Variants in OSCP1 observed in about 807,000 individuals in gnomAD.
OSCP1 encodes organic solute carrier partner 1.
In OSCP1, 35 loss-of-function variants were observed where a neutral mutation model predicts 45.1. The ratio of observed to expected loss-of-function variants is 0.78; its 90% CI spans 0.59 to 1.03. The LOEUF (loss-of-function observed/expected upper bound fraction) is 1.03, where lower values mean the gene tolerates loss of function less well. Ranked by LOEUF, OSCP1 falls within the 50% of genes least tolerant of loss-of-function variation. The pLI, the probability that OSCP1 is intolerant of heterozygous loss-of-function variation, is 0.00. For synonymous variants in OSCP1, 179 were observed against 180.1 expected (o/e 0.99, Z 0.05); for missense variants, 400 against 470.7 (o/e 0.85, Z 1.39).
chr1:36,431,045 TGGTG>T lies in OSCP1; in HGVS notation c.516+753_516+756del, dbSNP rs1452532460. 2.0e-5 allele frequency among the ~76,000 whole-genome samples: 3 copies of T among 152,198 alleles called. No individual in the cohort carries two copies. In the East Asian group the frequency reaches 5.8e-4, roughly 29 times the overall value. On this transcript the variant is annotated intron_variant, in intron 4 of 9. Coordinates refer to ENST00000235532, the MANE Select transcript of OSCP1 (RefSeq NM_145047.5). Reference sequence around the variant, plus strand: ...GTTCTGAGTCAAGTGAGTAGGAGAATGGTGGTGGTGCCCTCAAAAGAAATGAGAA... The same window carrying T: ...GTTCTGAGTCAAGTGAGTAGGAGAATGTGGTGCCCTCAAAAGAAATGAGAA...
In OSCP1 at chr1:36,418,536, C is replaced by T. The variant is rs531072585; in HGVS notation, c.1024-281G>A. Reference sequence around the variant, plus strand: ...ACTTTAATTTGAGCAGGGGGAATGACAATACAGCACTTAACAGCTATATTG... The same window carrying T: ...ACTTTAATTTGAGCAGGGGGAATGATAATACAGCACTTAACAGCTATATTG... On this transcript the variant is annotated intron_variant, in intron 9 of 9. Transcript: ENST00000235532. 5.6e-5 allele frequency: 27 copies of T among 482,816 alleles called. No individual in the cohort carries two copies. In the East Asian group the frequency reaches 1.1e-3, roughly 19 times the overall value. 29.9% of individuals were successfully genotyped at this position (482,816 alleles called of 1,614,324 possible).
intron 5 of OSCP1, 86 bp downstream of exon 5, chr1:36,423,277 G>T (rs1316853543): frequency 9.3e-7 from 1 of 1,076,814 alleles, no homozygotes; most frequent in Non-Finnish European, 1.4e-6. Context: ...ACTGTGAGTG[G>T]CTTGGCAGTG....
intron 1 of OSCP1, among the ~76,000 whole-genome samples, chr1:36,448,486 C>G (rs896609246): frequency 2.6e-5 from 4 of 152,076 alleles, no homozygotes; most frequent in Non-Finnish European, 5.9e-5. Context: ...TGCTGGAGTA[C>G]AAAGATGAAT....
intron 1 of OSCP1, among the ~76,000 whole-genome samples, chr1:36,442,727 C>T (rs1309279373): frequency 6.6e-6 from 1 of 152,116 alleles, no homozygotes; most frequent in Non-Finnish European, 1.5e-5. Flanking sequence ...TTTCTATGTC[C>T]CAGGCACTGG....
chr1:36,442,487 C>A (rs1649261819), intron 1 of OSCP1, among the ~76,000 whole-genome samples: 1 of 152,190 alleles, frequency 6.6e-6, no homozygotes, highest in South Asian at 2.1e-4. Context: ...TCAAAAATTG[C>A]TCAAGAAGTG....
rs781423336 is a variant in OSCP1 at position 36,420,493 on chromosome 1, G to A, written c.942C>T (p.Thr314=). 9 of 1,613,946 alleles carry A rather than the reference G, an allele frequency of 5.6e-6. No homozygotes were observed. The highest frequency in any genetic ancestry group is 7.6e-6 in the Non-Finnish European group (9 of 1,179,986). ...AAACATACTCCTCTTCTTCATCGGTGGTAAAGAGATTCAACCGGAATCCGG... is the reference window on the plus strand; with the variant it reads ...AAACATACTCCTCTTCTTCATCGGTAGTAAAGAGATTCAACCGGAATCCGG... The part of the protein sequence containing the change: ...PEPGFRLNLF[T]TDEEEEQAAL... The change falls in exon 8 of 10, where the codon ACC becomes ACT. Residue 314 remains threonine (T), a synonymous_variant. Coordinates refer to ENST00000235532, the MANE Select transcript of OSCP1 (RefSeq NM_145047.5).
intron 8 of OSCP1, among the ~76,000 whole-genome samples, chr1:36,420,079 G>T (rs1647519577): frequency 6.6e-6 from 1 of 151,194 alleles, no homozygotes; most frequent in Non-Finnish European, 1.5e-5. Flanking sequence ...GGGTTCAAGT[G>T]ATTTTCCTGC....
rs550353114 is a variant in OSCP1 at position 36,431,828 on chromosome 1, T to A, written c.490A>T (p.Ile164Phe). 1.7e-5 allele frequency: 28 copies of A among 1,613,712 alleles called. No individual in the cohort carries two copies. In the East Asian group the frequency reaches 3.6e-4, roughly 21 times the overall value. ...CGGATGTGCAGGTCTTGGAAGAAGA[T>A]GAGGAGTGTCTGCCGGATCAGCTGG... ...EFQLIRQTLL[I>F]FFQDLHIRVS... is the part of the protein sequence containing the mutation. The change falls in exon 4 of 10, where the codon ATC becomes TTC. Residue 164 changes from isoleucine to phenylalanine, a missense_variant. Ile to Phe is a conservative substitution (Grantham distance 21). Transcript: ENST00000235532.
intron 4 of OSCP1, among the ~76,000 whole-genome samples, chr1:36,426,671 C>T (rs1185222947): frequency 6.6e-6 from 1 of 152,150 alleles, no homozygotes; most frequent in Non-Finnish European, 1.5e-5. Flanking sequence ...AGCCTCCTGT[C>T]TGGTCTCCCT....
Position 36,422,173 on chromosome 1 carries a change from T to C in OSCP1, c.796A>G (p.Lys266Glu). Reference sequence around the variant, plus strand: ...ACCTGGGTCCATGAGGCTAAGTTCTTTGATGATCCAGACACATGAGTTTCC... The same window carrying C: ...ACCTGGGTCCATGAGGCTAAGTTCTCTGATGATCCAGACACATGAGTTTCC... ...PVETHVSGSSKNLASWTQESI... is the reference protein window; with the variant it reads ...PVETHVSGSSENLASWTQESI... Residue 266 changes from lysine (K) to glutamate (E), a missense_variant, in exon 7 of 10, where the codon AAG becomes GAG. Physicochemically the swap from Lys to Glu is moderately conservative, Grantham distance 56. Coordinates refer to ENST00000235532, the MANE Select transcript of OSCP1 (RefSeq NM_145047.5). The C allele has an allele frequency of 6.2e-7, 1 of 1,614,160 alleles. No homozygotes were observed. Among genetic ancestry groups the C allele is most frequent in the Non-Finnish European group, 8.5e-7 (1 of 1,180,008 alleles).
intron 8 of OSCP1, chr1:36,420,217 C>A: frequency 3.4e-6 from 1 of 295,266 alleles, no homozygotes; most frequent in Non-Finnish European, 6.2e-6. Context: ...ACCTTGTGAT[C>A]CGCCTGCCTT....
chr1:36,425,926 G>A (rs1003485712), intron 4 of OSCP1, among the ~76,000 whole-genome samples: 2 of 152,116 alleles, frequency 1.3e-5, no homozygotes, highest in South Asian at 2.1e-4. Context: ...CTGGCATGCC[G>A]GGAGTCTGGG....
Position 36,423,863 on chromosome 1 carries a change from G to A in OSCP1, c.517-397C>T, listed in dbSNP as rs75155752. ...CACTCCAGCCTGGGCGACAGAGTAA[G>A]ACTTCATCTCAAAAAAATAAAAAAA... is the stretch of plus-strand genomic sequence containing the variant. On this transcript the variant is annotated intron_variant, in intron 4 of 9. Coordinates refer to ENST00000235532, the MANE Select transcript of OSCP1 (RefSeq NM_145047.5). Among the ~76,000 whole-genome samples, 1,155 of 151,490 alleles carry A rather than the reference G, an allele frequency of 7.6e-3. 13 individuals are homozygous for A. The highest frequency in any genetic ancestry group is 0.026 in the African/African-American group (1,093 of 41,272).
intron 4 of OSCP1, among the ~76,000 whole-genome samples, chr1:36,427,532 T>C (rs1346640736): frequency 1.3e-5 from 2 of 151,640 alleles, no homozygotes; most frequent in Non-Finnish European, 2.9e-5. Flanking sequence ...TTGGCCAGGA[T>C]GGTCTCGATC....
Position 36,432,605 on chromosome 1 carries a change from C to T in OSCP1, c.268-16G>A. On this transcript the variant is annotated splice_polypyrimidine_tract_variant and intron_variant, in intron 2 of 9. Coordinates refer to ENST00000235532, the MANE Select transcript of OSCP1 (RefSeq NM_145047.5). The stretch of plus-strand genomic sequence containing the variant: ...GGTCATAGAGCTGCCAACCCACACA[C>T]AAGCAAAAGAAATGGGATCATATCA... 1.2e-6 allele frequency: 2 copies of T among 1,614,026 alleles called. No homozygotes were observed. Among genetic ancestry groups the T allele is most frequent in the African/African-American group, 2.7e-5 (2 of 75,012 alleles).
intron 1 of OSCP1, among the ~76,000 whole-genome samples, chr1:36,448,076 C>T (rs1376993258): frequency 6.6e-6 from 1 of 152,158 alleles, no homozygotes; most frequent in Non-Finnish European, 1.5e-5. Flanking sequence ...ATATTAAATA[C>T]ATTATTTCAT....
chr1:36,432,014 G>C (rs1339888107), intron 3 of OSCP1, 132 bp from the exon 4 acceptor site: 22 of 752,880 alleles, frequency 2.9e-5, no homozygotes, highest in Non-Finnish European at 4.5e-5. Context: ...GGGCAGGAGG[G>C]GCAGCGGGGA....
chr1:36,428,818 G>A (rs1454167151), intron 4 of OSCP1, among the ~76,000 whole-genome samples: 10 of 151,826 alleles, frequency 6.6e-5, no homozygotes, highest in East Asian at 1.9e-4. Context: ...GTTGGCAGGC[G>A]CCTGTAATCT....
chr1:36,447,933 G>A lies in OSCP1; in HGVS notation c.112+2325C>T, dbSNP rs1649644557. The stretch of plus-strand genomic sequence containing the variant: ...CGAATGTAAATTACTAAAGATGGCC[G>A]AAACTCCCAAAACCATATTTAGCAA... On this transcript the variant is annotated intron_variant, in intron 1 of 9. Transcript: ENST00000235532. This position sits in a 1 kb window ranked among gnomAD's most constrained non-coding sequence, Gnocchi z 4.1. The A allele has an allele frequency of 4.4e-6, 2 of 450,564 alleles. No homozygotes were observed. The highest frequency in any genetic ancestry group is 4.5e-6 in the Non-Finnish European group (1 of 223,130). 27.9% of individuals were successfully genotyped at this position (450,564 alleles called of 1,614,324 possible).
Sources: gnomAD v4.1 joint callset for allele counts (sites outside exome capture counted in the v4.1 genomes callset) on GRCh38, gnomAD v4.1.1 for gene constraint, Gnocchi (gnomAD v3.1) non-coding constraint, MANE v1.5 for transcripts, NCBI Gene and HGNC (gene_info 2026-07-23, HGNC 2026-07-21) for gene names.